SUGCT: variants seen among roughly 807,000 people sequenced by gnomAD.
SUGCT encodes succinyl-CoA:glutarate CoA-transferase.
SUGCT carries 41 observed loss-of-function variants against 55.0 expected under a neutral mutation model. The ratio of observed to expected loss-of-function variants is 0.74; its 90% CI spans 0.58 to 0.97. The LOEUF is 0.97. SUGCT is among the 50% of genes least tolerant of loss of function. The pLI is 0.00. For synonymous variants in SUGCT, 187 were observed against 200.4 expected (o/e 0.93, Z 0.56); for missense variants, 568 against 547.8 (o/e 1.04, Z -0.37).
the SUGCT span, among the ~76,000 whole-genome samples, chr7:41,031,151 G>C: frequency 0.015 from 2,232 of 151,942 alleles, 47 homozygotes; most frequent in African/African-American, 0.049. Flanking sequence ...GTGTAGAGAT[G>C]GGGCCTCACT....
the SUGCT span, among the ~76,000 whole-genome samples, chr7:40,888,399 C>G: frequency 4.7e-5 from 7 of 150,474 alleles, no homozygotes; most frequent in Non-Finnish European, 8.8e-5. Flanking sequence ...TGCAGTGAGC[C>G]GAGATCATGC....
intron 13 of SUGCT, among the ~76,000 whole-genome samples, chr7:40,801,349 G>T (rs550386267): frequency 1.1e-4 from 17 of 152,094 alleles, no homozygotes; most frequent in South Asian, 2.1e-4. Flanking sequence ...AACATCTTGT[G>T]GGGGGGAGGT....
At chr7:40,396,656 A>C (rs1389584550) in intron 9 of SUGCT, among the ~76,000 whole-genome samples, 6 of 152,252 alleles carry the variant, frequency 3.9e-5, no homozygotes, top group Non-Finnish European at 8.8e-5. Flanking sequence ...AACCACATGC[A>C]TACAAATGTG....
At chr7:40,183,274 A>AAAAC (rs888770110) in intron 3 of SUGCT, among the ~76,000 whole-genome samples, 16 of 152,194 alleles carry the variant, frequency 1.1e-4, no homozygotes, top group South Asian at 2.1e-4. Flanking sequence ...CCCTGTCTCA[A>AAAAC]AAACAAACAA....
intron 12 of SUGCT, among the ~76,000 whole-genome samples, chr7:40,644,843 T>C (rs1041268538): frequency 3.3e-5 from 5 of 152,104 alleles, no homozygotes; most frequent in Non-Finnish European, 7.3e-5. Flanking sequence ...GCTTATGGGG[T>C]TTACCCGAGT....
the SUGCT span, among the ~76,000 whole-genome samples, chr7:40,975,844 G>A: frequency 6.6e-6 from 1 of 152,222 alleles, no homozygotes; most frequent in South Asian, 2.1e-4. Context: ...ACTTTCTTAA[G>A]TAAGAAGAGG....
At chr7:40,959,905 C>A in the SUGCT span, among the ~76,000 whole-genome samples, 2 of 152,136 alleles carry the variant, frequency 1.3e-5, no homozygotes, top group Non-Finnish European at 2.9e-5. Flanking sequence ...CAGTCCCTCA[C>A]GGCTTCCCTT....
intron 9 of SUGCT, among the ~76,000 whole-genome samples, chr7:40,427,254 G>A (rs917103935): frequency 6.6e-6 from 1 of 152,128 alleles, no homozygotes; most frequent in Non-Finnish European, 1.5e-5. Context: ...GAAAACAAGT[G>A]ATAATAATTA....
chr7:40,287,193 A>G (rs946462380), intron 8 of SUGCT, among the ~76,000 whole-genome samples: 2 of 151,914 alleles, frequency 1.3e-5, no homozygotes, highest in Non-Finnish European at 2.9e-5. Flanking sequence ...TCATATATTC[A>G]TTTTTTTTAA....
At chr7:40,784,903 A>G (rs767275123) in intron 13 of SUGCT, among the ~76,000 whole-genome samples, 7 of 152,162 alleles carry the variant, frequency 4.6e-5, no homozygotes, top group South Asian at 2.1e-4. Flanking sequence ...ATATACATCT[A>G]TAGGAGCCCA....
At chr7:40,208,142 T>C (rs1787100737) in intron 6 of SUGCT, among the ~76,000 whole-genome samples, 1 of 152,166 alleles carries the variant, frequency 6.6e-6, no homozygotes, top group African/African-American at 2.4e-5. Flanking sequence ...GTAAAATTCA[T>C]AGAGACAGGA....
At chr7:40,596,815 G>A (rs184061869) in intron 12 of SUGCT, among the ~76,000 whole-genome samples, 75 of 152,250 alleles carry the variant, frequency 4.9e-4, no homozygotes, top group Non-Finnish European at 8.7e-4. Flanking sequence ...GAACAGACTA[G>A]TGACAGTCTT....
chr7:40,233,042 CAGAGT>C (rs1382438573), intron 6 of SUGCT, among the ~76,000 whole-genome samples: 1 of 152,050 alleles, frequency 6.6e-6, no homozygotes, highest in Non-Finnish European at 1.5e-5. Flanking sequence ...ACATCACCAA[CAGAGT>C]AATCTTAGTA....
At chr7:40,643,113 G>T (rs2151827458) in intron 12 of SUGCT, among the ~76,000 whole-genome samples, 1 of 152,236 alleles carries the variant, frequency 6.6e-6, no homozygotes, top group Admixed American at 6.5e-5. Context: ...ACTCTTTTTA[G>T]TGATATTTTT....
chr7:40,574,788 G>A (rs1200169828), intron 12 of SUGCT, among the ~76,000 whole-genome samples: 2 of 152,138 alleles, frequency 1.3e-5, no homozygotes, highest in Non-Finnish European at 2.9e-5. Flanking sequence ...CTTTTTAACC[G>A]ATATTTATTG....
chr7:40,276,185 T>C (rs1200238059), intron 8 of SUGCT, among the ~76,000 whole-genome samples: 1 of 152,250 alleles, frequency 6.6e-6, no homozygotes, highest in Non-Finnish European at 1.5e-5. Context: ...AGAATTTTAA[T>C]GTTTCTATAA....
chr7:40,303,364 A>G (rs903571708), intron 8 of SUGCT, among the ~76,000 whole-genome samples: 10 of 152,028 alleles, frequency 6.6e-5, no homozygotes, highest in African/African-American at 2.4e-4. Context: ...GTAAATTCAC[A>G]TTTCTTGTAA....
At chr7:40,627,766 G>A (rs969219290) in intron 12 of SUGCT, among the ~76,000 whole-genome samples, 1 of 152,138 alleles carries the variant, frequency 6.6e-6, no homozygotes, top group Non-Finnish European at 1.5e-5. Context: ...TTTCAATTTA[G>A]TTCTAGGAAG....
At chr7:40,137,899 C>G (rs1279673511) in intron 1 of SUGCT, among the ~76,000 whole-genome samples, 1 of 152,278 alleles carries the variant, frequency 6.6e-6, no homozygotes, top group East Asian at 1.9e-4. Context: ...CCACACTGGT[C>G]TTGAACTCCT....
Sources: allele counts gnomAD v4.1 joint callset (sites outside exome capture counted in the v4.1 genomes callset), GRCh38; gene constraint gnomAD v4.1.1; transcripts MANE v1.5; gene names NCBI Gene and HGNC (gene_info 2026-07-23, HGNC 2026-07-21).